Variants in SGCD observed in about 807,000 individuals in gnomAD.
SGCD encodes the protein delta-sarcoglycan.
In SGCD, 18 loss-of-function variants were observed where a neutral mutation model predicts 36.6. The ratio of observed to expected loss-of-function variants is 0.49; its 90% CI spans 0.34 to 0.73. SGCD has a LOEUF of 0.73. Ranked by LOEUF, SGCD falls within the 30% of genes least tolerant of loss-of-function variation. The pLI, the probability that SGCD is intolerant of heterozygous loss-of-function variation, is 0.01. For missense variants in SGCD, 387 were observed against 346.7 expected, an observed-to-expected ratio of 1.12 and a Z score of -0.92; for synonymous variants, 133 against 130.6, an observed-to-expected ratio of 1.02 and a Z score of -0.12.
At chr5:156,360,860 C>T (rs1396153645) in intron 3 of SGCD, among the ~76,000 whole-genome samples, 1 of 152,076 alleles carries the variant, frequency 6.6e-6, no homozygotes, top group Non-Finnish European at 1.5e-5. Flanking sequence ...TGCATGACCT[C>T]ATTCTACTTG....
chr5:155,907,761 T>C (rs1484253109), intron 1 of SGCD, among the ~76,000 whole-genome samples: 1 of 152,176 alleles, frequency 6.6e-6, no homozygotes, highest in Non-Finnish European at 1.5e-5. Context: ...GTGAGGATGC[T>C]ATGAACATTT....
At chr5:156,614,965 C>T (rs763491549) in intron 6 of SGCD, among the ~76,000 whole-genome samples, 4 of 152,150 alleles carry the variant, frequency 2.6e-5, no homozygotes, top group Non-Finnish European at 5.9e-5. Context: ...TTTTGCCACC[C>T]CCGGTTTTTC....
At chr5:155,801,296 C>G in the SGCD span, among the ~76,000 whole-genome samples, 2 of 152,212 alleles carry the variant, frequency 1.3e-5, no homozygotes, top group Admixed American at 1.3e-4. Context: ...TACCACCCCT[C>G]TGCATCTGGT....
chr5:156,125,079 T>C (rs986648192), intron 3 of SGCD, among the ~76,000 whole-genome samples: 1 of 152,186 alleles, frequency 6.6e-6, no homozygotes, highest in Non-Finnish European at 1.5e-5. Context: ...AAGATGATTT[T>C]ATAGCTTACA....
At chr5:156,695,574 C>T (rs1408980803) in intron 7 of SGCD, among the ~76,000 whole-genome samples, 1 of 151,146 alleles carries the variant, frequency 6.6e-6, no homozygotes, top group Non-Finnish European at 1.5e-5. Flanking sequence ...GATAGATATC[C>T]TACTGGTTCT....
chr5:156,207,819 A>C (rs1296648856), intron 3 of SGCD, among the ~76,000 whole-genome samples: 4 of 152,068 alleles, frequency 2.6e-5, no homozygotes, highest in Non-Finnish European at 5.9e-5. Context: ...CAAAAATTTT[A>C]TATATATGTA....
chr5:155,923,044 C>T (rs1756920749), intron 1 of SGCD, among the ~76,000 whole-genome samples: 1 of 152,182 alleles, frequency 6.6e-6, no homozygotes, highest in South Asian at 2.1e-4. Flanking sequence ...GCAGATGATT[C>T]TTACCACTGT....
chr5:156,233,466 C>T (rs1291209358), intron 3 of SGCD, among the ~76,000 whole-genome samples: 1 of 152,090 alleles, frequency 6.6e-6, no homozygotes, highest in Non-Finnish European at 1.5e-5. Context: ...ACTAAAAGCT[C>T]GGGTATTTAG....
intron 3 of SGCD, among the ~76,000 whole-genome samples, chr5:156,469,553 C>A (rs1220382704): frequency 1.3e-5 from 2 of 152,158 alleles, no homozygotes; most frequent in African/African-American, 4.8e-5. Context: ...AGTGAAACAA[C>A]TCATTCCTTA....
chr5:156,599,706 A>C (rs1761088285), intron 6 of SGCD, among the ~76,000 whole-genome samples: 1 of 152,228 alleles, frequency 6.6e-6, no homozygotes, highest in Non-Finnish European at 1.5e-5. Flanking sequence ...AGGAGGAATA[A>C]ATGTAGGTAG....
chr5:156,358,909 T>G (rs1320044244), intron 3 of SGCD, among the ~76,000 whole-genome samples: 1 of 151,774 alleles, frequency 6.6e-6, no homozygotes, highest in Non-Finnish European at 1.5e-5. Flanking sequence ...GGGAGACAGG[T>G]GGGAGAGGGG....
At chr5:156,653,948 T>C (rs1763573234) in intron 7 of SGCD, among the ~76,000 whole-genome samples, 2 of 152,084 alleles carry the variant, frequency 1.3e-5, no homozygotes, top group Admixed American at 1.3e-4. Context: ...AGTGGTCCAT[T>C]CTTCAGTGGT....
chr5:156,329,487 G>A, intron 1 of SGCD, 47 bp from the exon 2 acceptor site: 3 of 1,309,460 alleles, frequency 2.3e-6, no homozygotes, highest in East Asian at 2.3e-5. Context: ...GCAAGGAGGG[G>A]GCAGGCTCTT....
chr5:156,181,614 G>T (rs1252831183), intron 3 of SGCD, among the ~76,000 whole-genome samples: 6 of 152,192 alleles, frequency 3.9e-5, no homozygotes, highest in Admixed American at 2.6e-4. Context: ...AAAGGACTAG[G>T]TATGGGGCAG....
At chr5:156,567,148 A>T (rs1248242026) in intron 4 of SGCD, among the ~76,000 whole-genome samples, 1 of 151,882 alleles carries the variant, frequency 6.6e-6, no homozygotes, top group African/African-American at 2.4e-5. Context: ...TCTTGGTTAA[A>T]CTCCCTCAGT....
chr5:156,395,495 C>T (rs1771798393), intron 3 of SGCD, among the ~76,000 whole-genome samples: 1 of 152,190 alleles, frequency 6.6e-6, no homozygotes. Flanking sequence ...AGCTGGCTGG[C>T]TCCATGAGTT....
intron 4 of SGCD, among the ~76,000 whole-genome samples, chr5:156,532,568 C>T (rs1757930957): frequency 6.6e-6 from 1 of 152,148 alleles, no homozygotes; most frequent in East Asian, 1.9e-4. Flanking sequence ...TCATGCCATT[C>T]TCCTGCCTCA....
chr5:156,116,476 G>T (rs540023972), intron 1 of SGCD, among the ~76,000 whole-genome samples: 2 of 152,084 alleles, frequency 1.3e-5, no homozygotes, highest in East Asian at 3.9e-4. Flanking sequence ...ATGTTTATAT[G>T]TTAGGAATAT....
chr5:156,129,517 C>T lies in SGCD; in HGVS notation c.-44+5498C>T, dbSNP rs556488808. On this transcript the variant is annotated intron_variant, in intron 3 of 9. Coordinates refer to the SGCD transcript ENST00000517913. ...AACTTTTATTTTAGGTTCAAGGGTACATGCGAAGCTTTGTTATGTAGGTAA... is the reference window on the plus strand; with the variant it reads ...AACTTTTATTTTAGGTTCAAGGGTATATGCGAAGCTTTGTTATGTAGGTAA... Among the ~76,000 whole-genome samples the T allele has an allele frequency of 3.3e-5, 5 of 152,294 alleles. No individual in the cohort carries two copies. In the South Asian group the frequency reaches 1.0e-3, roughly 32 times the overall value.
Sources: gnomAD v4.1 joint callset for allele counts (sites outside exome capture counted in the v4.1 genomes callset) on GRCh38, gnomAD v4.1.1 for gene constraint, MANE v1.5 for transcripts, NCBI Gene and HGNC (gene_info 2026-07-23, HGNC 2026-07-21) for gene names.